Variants in TMPRSS9 observed in about 807,000 individuals in gnomAD.
TMPRSS9 encodes transmembrane serine protease 9, also known as transmembrane protease serine 9.
TMPRSS9 carries 113 observed loss-of-function variants against 111.4 expected under a neutral mutation model. The observed-to-expected ratio is 1.01, with a 90% confidence interval of 0.87 to 1.19. The LOEUF (loss-of-function observed/expected upper bound fraction) is 1.19. TMPRSS9 is among the 50% of genes most tolerant of loss of function. TMPRSS9 has a pLI of 0.00. For missense variants in TMPRSS9, 1,803 were observed against 1,513.1 expected (o/e 1.19, Z -3.18); for synonymous variants, 805 against 659.1 (o/e 1.22, Z -3.39).
intron 1 of TMPRSS9, among the ~76,000 whole-genome samples, chr19:2,380,515 C>T (rs1970377907): frequency 6.6e-6 from 1 of 150,838 alleles, no homozygotes; most frequent in South Asian, 2.1e-4. Context: ...GCAGTAGAAT[C>T]ACTTGAACCT....
At chr19:2,410,642 C>G (rs1192812189) in intron 9 of TMPRSS9, among the ~76,000 whole-genome samples, 2 of 152,122 alleles carry the variant, frequency 1.3e-5, no homozygotes, top group Admixed American at 1.3e-4. Flanking sequence ...TCCAGAAGCT[C>G]TAACCTGACT....
At chr19:2,415,941 T>TG in intron 11 of TMPRSS9, 100 bp downstream of exon 12, 1 of 1,358,114 alleles carries the variant, frequency 7.4e-7, no homozygotes. Context: ...TGGACCCCAC[T>TG]GGGGAGCAGC....
intron 1 of TMPRSS9, among the ~76,000 whole-genome samples, chr19:2,362,491 A>G (rs1211408900): frequency 6.6e-6 from 1 of 151,708 alleles, no homozygotes; most frequent in Non-Finnish European, 1.5e-5. Flanking sequence ...CTGTGTGGTT[A>G]TAGTGTACGG....
intron 9 of TMPRSS9, among the ~76,000 whole-genome samples, chr19:2,412,959 T>C (rs1420455992): frequency 1.3e-5 from 2 of 151,948 alleles, no homozygotes; most frequent in Non-Finnish European, 2.9e-5. Flanking sequence ...TTTGGGAGGC[T>C]GAGGTGGGCA....
intron 1 of TMPRSS9, among the ~76,000 whole-genome samples, chr19:2,371,143 T>A (rs1390378929): frequency 1.3e-5 from 2 of 152,096 alleles, no homozygotes; most frequent in Non-Finnish European, 2.9e-5. Flanking sequence ...CACTGGCAGG[T>A]CTCAGAGTGG....
intron 1 of TMPRSS9, among the ~76,000 whole-genome samples, chr19:2,369,732 C>T (rs1031413347): frequency 6.6e-6 from 1 of 151,786 alleles, no homozygotes; most frequent in Non-Finnish European, 1.5e-5. Context: ...AGCCACTGCA[C>T]CTGGCCTAGT....
chr19:2,401,374 G>A (rs1054563238), intron 4 of TMPRSS9, among the ~76,000 whole-genome samples: 15 of 152,132 alleles, frequency 9.9e-5, no homozygotes, highest in Admixed American at 1.3e-4. Flanking sequence ...CTCTGCTCCA[G>A]CGTTCACAGA....
chr19:2,402,854 C>G (rs1190924127), intron 5 of TMPRSS9, among the ~76,000 whole-genome samples: 1 of 152,124 alleles, frequency 6.6e-6, no homozygotes, highest in African/African-American at 2.4e-5. Flanking sequence ...TTGCTTGAAC[C>G]TGGAGTTAGA....
intron 5 of TMPRSS9, among the ~76,000 whole-genome samples, chr19:2,402,229 C>G (rs932977043): frequency 6.7e-6 from 1 of 149,654 alleles, no homozygotes; most frequent in Middle Eastern, 3.4e-3. Context: ...CCTATCTCTA[C>G]AAAAATAATA....
chr19:2,409,212 C>T (rs1289142989), intron 8 of TMPRSS9, among the ~76,000 whole-genome samples: 2 of 147,518 alleles, frequency 1.4e-5, no homozygotes, highest in Non-Finnish European at 3.0e-5. Flanking sequence ...GCGATCTCTG[C>T]TCACTGCAGC....
At chr19:2,424,757 G>A (rs1351286860) in intron 15 of TMPRSS9, among the ~76,000 whole-genome samples, 5 of 152,238 alleles carry the variant, frequency 3.3e-5, no homozygotes, top group Admixed American at 3.3e-4. Flanking sequence ...GGCAGGCGGG[G>A]GGCGGGACTC....
chr19:2,405,737 G>T, intron 7 of TMPRSS9, among the ~76,000 whole-genome samples, 192 bp downstream of exon 8: 1 of 142,688 alleles, frequency 7.0e-6, no homozygotes. Flanking sequence ...ACAGAATCTC[G>T]CTCTGTTGTC....
At chr19:2,405,283 G>A in intron 6 of TMPRSS9, 91 bp from the exon 8 acceptor site, 3 of 1,462,846 alleles carry the variant, frequency 2.1e-6, no homozygotes, top group Middle Eastern at 2.2e-4. Context: ...CTTAGGGACT[G>A]TAGACGAGAG....
chr19:2,366,644 T>C (rs1183156161), intron 1 of TMPRSS9, among the ~76,000 whole-genome samples: 2 of 151,522 alleles, frequency 1.3e-5, no homozygotes, highest in South Asian at 2.1e-4. Flanking sequence ...GATCACAAGG[T>C]CAGGAGATCA....
chr19:2,385,803 A>G (rs1431036951), upstream of TMPRSS9, among the ~76,000 whole-genome samples: 1 of 152,104 alleles, frequency 6.6e-6, no homozygotes, highest in African/African-American at 2.4e-5. Context: ...GTGAGCTATG[A>G]TAGCACCACT....
chr19:2,425,010 A>AC lies in TMPRSS9; in HGVS notation c.2730dup (p.Lys911GlnfsTer132). On this transcript the variant is annotated frameshift_variant, in exon 16 of 18. Coordinates refer to ENST00000648592, the Ensembl canonical transcript of TMPRSS9. LOFTEE classifies it high-confidence loss of function. ...CCTCGCGCGCCCCGCAGCTACGGGGACCCCAAGCAGTGGGCGGCCTTCCTA... is the reference window on the plus strand; with the variant it reads ...CCTCGCGCGCCCCGCAGCTACGGGGACCCCCAAGCAGTGGGCGGCCTTCCTA... 1 of 1,531,802 alleles carries AC rather than the reference A, an allele frequency of 6.5e-7. No individual in the cohort carries two copies. Among genetic ancestry groups the AC allele is most frequent in the Non-Finnish European group, 8.7e-7 (1 of 1,146,046 alleles). The allele number at this position is 1,531,802 out of a possible 1,614,324, so 94.9% of individuals were successfully genotyped here. A position where few individuals can be genotyped will look rare whatever the true frequency, so the allele number is the denominator to read the frequency against.
intron 1 of TMPRSS9, 78 bp downstream of exon 2, chr19:2,390,005 C>T: frequency 6.5e-7 from 1 of 1,528,012 alleles, no homozygotes; most frequent in Non-Finnish European, 8.9e-7. Context: ...TTGATGGTGT[C>T]TCCTTGGCCA....
intron 1 of TMPRSS9, among the ~76,000 whole-genome samples, chr19:2,371,586 A>G (rs937291359): frequency 5.3e-5 from 8 of 152,042 alleles, no homozygotes; most frequent in African/African-American, 1.9e-4. Flanking sequence ...AATCTCCGCT[A>G]CCTGGGAGGC....
intron 1 of TMPRSS9, among the ~76,000 whole-genome samples, chr19:2,378,936 T>C (rs923736357): frequency 6.6e-6 from 1 of 152,012 alleles, no homozygotes; most frequent in Non-Finnish European, 1.5e-5. Context: ...GAACTCACTA[T>C]TATGAGAACA....
Sources: gnomAD v4.1 joint callset for allele counts (sites outside exome capture counted in the v4.1 genomes callset) on GRCh38, gnomAD v4.1.1 for gene constraint, MANE v1.5 for transcripts, NCBI Gene and HGNC (gene_info 2026-07-23, HGNC 2026-07-21) for gene names.